The following STXBP5L variants were observed in gnomAD, a reference collection of about 807,000 sequenced individuals.
The protein encoded by STXBP5L is syntaxin-binding protein 5-like.
Under a neutral mutation model 144.5 loss-of-function variants are expected in STXBP5L, and 65 were observed. The ratio of observed to expected loss-of-function variants is 0.45; its 90% CI spans 0.37 to 0.55. The LOEUF is 0.55. Ranked by LOEUF, STXBP5L falls within the 20% of genes least tolerant of loss-of-function variation. The pLI is 0.00. For synonymous variants in STXBP5L, 505 were observed against 469.6 expected (o/e 1.08, Z -0.97); for missense variants, 1,298 against 1,405.5 (o/e 0.92, Z 1.22).
intron 9 of STXBP5L, among the ~76,000 whole-genome samples, chr3:121,179,855 G>T (rs112854203): frequency 1.3e-5 from 2 of 151,998 alleles, no homozygotes; most frequent in Non-Finnish European, 2.9e-5. Context: ...TTGAAGACAA[G>T]GCTTTCGAAT....
intron 14 of STXBP5L, among the ~76,000 whole-genome samples, chr3:121,243,705 T>C (rs1018824163): frequency 2.6e-5 from 4 of 152,174 alleles, no homozygotes; most frequent in Non-Finnish European, 5.9e-5. Flanking sequence ...ATATTGACTT[T>C]GGAAATAAAA....
intron 14 of STXBP5L, among the ~76,000 whole-genome samples, chr3:121,242,937 A>C (rs2049717013): frequency 1.3e-5 from 2 of 152,196 alleles, no homozygotes; most frequent in Non-Finnish European, 2.9e-5. Flanking sequence ...TTAGGAAGTC[A>C]CAGTACCCCA....
intron 5 of STXBP5L, among the ~76,000 whole-genome samples, chr3:121,049,887 T>C (rs567258523): frequency 6.6e-6 from 1 of 152,246 alleles, no homozygotes; most frequent in South Asian, 2.1e-4. Context: ...ACATAACTCT[T>C]TGCATGTTTG....
chr3:121,414,987 T>G (rs2047198877), intron 24 of STXBP5L, among the ~76,000 whole-genome samples: 1 of 152,164 alleles, frequency 6.6e-6, no homozygotes, highest in Non-Finnish European at 1.5e-5. Flanking sequence ...GTTTCTGGCT[T>G]GGGGAACCAA....
intron 3 of STXBP5L, among the ~76,000 whole-genome samples, chr3:120,979,879 A>T (rs1457728875): frequency 6.6e-6 from 1 of 152,146 alleles, no homozygotes; most frequent in Non-Finnish European, 1.5e-5. Context: ...CTTCCCTCTT[A>T]GCATTTCTTT....
intron 5 of STXBP5L, among the ~76,000 whole-genome samples, chr3:121,101,184 T>A (rs1445924857): frequency 6.6e-6 from 1 of 152,038 alleles, no homozygotes; most frequent in Non-Finnish European, 1.5e-5. Flanking sequence ...CTGGTTCCAG[T>A]TCTTCTGATA....
At chr3:121,304,880 AC>A (rs1242258899) in intron 19 of STXBP5L, among the ~76,000 whole-genome samples, 1 of 151,988 alleles carries the variant, frequency 6.6e-6, no homozygotes, top group Non-Finnish European at 1.5e-5. Context: ...TAGAGGTCAA[AC>A]CAGAGTAGAT....
chr3:120,996,882 G>T (rs1943391904), intron 3 of STXBP5L, among the ~76,000 whole-genome samples: 1 of 152,060 alleles, frequency 6.6e-6, no homozygotes, highest in East Asian at 1.9e-4. Flanking sequence ...TGGGGATTTG[G>T]TCTACAGATT....
rs1280661772 is a variant in STXBP5L at position 121,128,153 on chromosome 3, C to T, written c.669+6449C>T. Among the ~76,000 whole-genome samples, 4 of 152,172 alleles carry T rather than the reference C, an allele frequency of 2.6e-5. No individual in the cohort carries two copies. In the South Asian group the frequency reaches 8.3e-4, roughly 32 times the overall value. ...TTAGAGTGGTTTTTAAGGACTTGAACTTGGGGGCTGCCTAGAGGAGGGTTT... is the reference window on the plus strand; with the variant it reads ...TTAGAGTGGTTTTTAAGGACTTGAATTTGGGGGCTGCCTAGAGGAGGGTTT... On this transcript the variant is annotated intron_variant, in intron 7 of 26. Coordinates refer to ENST00000471454, the MANE Select transcript of STXBP5L (RefSeq NM_001308330.2).
chr3:121,158,053 C>A (rs1055434722), intron 9 of STXBP5L: 3 of 153,516 alleles, frequency 2.0e-5, no homozygotes, highest in African/African-American at 7.2e-5. Flanking sequence ...CCATTTCTGC[C>A]ATTTGATTCC....
chr3:120,970,371 A>G (rs1940106302), intron 3 of STXBP5L, among the ~76,000 whole-genome samples: 1 of 152,120 alleles, frequency 6.6e-6, no homozygotes, highest in South Asian at 2.1e-4. Context: ...AAGACAGGTC[A>G]CATTTTGATG....
intron 3 of STXBP5L, among the ~76,000 whole-genome samples, chr3:120,999,596 A>T (rs538849726): frequency 4.3e-4 from 65 of 152,138 alleles, no homozygotes; most frequent in African/African-American, 1.1e-3. Context: ...GACATGTGCC[A>T]ATTTGATCCT....
intron 3 of STXBP5L, among the ~76,000 whole-genome samples, chr3:120,987,897 G>C (rs918073687): frequency 6.6e-6 from 1 of 151,714 alleles, no homozygotes; most frequent in East Asian, 1.9e-4. Context: ...TTAAATGTTT[G>C]GTAGAATTCT....
At chr3:120,950,427 T>A (rs1711137888) in intron 2 of STXBP5L, among the ~76,000 whole-genome samples, 1 of 152,110 alleles carries the variant, frequency 6.6e-6, no homozygotes, top group African/African-American at 2.4e-5. Context: ...TTTAGGTTTG[T>A]ATAAGTTTTG....
chr3:121,027,796 A>G (rs1194104423), intron 3 of STXBP5L, among the ~76,000 whole-genome samples: 1 of 152,054 alleles, frequency 6.6e-6, no homozygotes, highest in Admixed American at 6.6e-5. Flanking sequence ...AACATATTCA[A>G]AGGTTTCAGG....
intron 9 of STXBP5L, among the ~76,000 whole-genome samples, chr3:121,179,184 C>T (rs922170752): frequency 1.3e-4 from 19 of 151,724 alleles, no homozygotes; most frequent in East Asian, 3.9e-4. Context: ...CATGAGAGAA[C>T]GAGATAAGCT....
intron 3 of STXBP5L, among the ~76,000 whole-genome samples, chr3:120,960,172 T>C (rs937084289): frequency 3.0e-4 from 46 of 152,202 alleles, no homozygotes; most frequent in Non-Finnish European, 6.0e-4. Flanking sequence ...TCATCATCAC[T>C]GGGCAACAGA....
intron 20 of STXBP5L, among the ~76,000 whole-genome samples, chr3:121,333,867 T>C (rs2044411567): frequency 1.3e-5 from 2 of 152,014 alleles, no homozygotes; most frequent in African/African-American, 2.4e-5. Flanking sequence ...AGCTCCAAAA[T>C]TGAGTTTGTT....
intron 5 of STXBP5L, among the ~76,000 whole-genome samples, chr3:121,053,626 A>T (rs938858257): frequency 6.6e-6 from 1 of 152,248 alleles, no homozygotes; most frequent in Non-Finnish European, 1.5e-5. Context: ...ACCTAAAACC[A>T]TAAAAACCCT....
Sources: allele counts gnomAD v4.1 joint callset (sites outside exome capture counted in the v4.1 genomes callset), GRCh38; gene constraint gnomAD v4.1.1; transcripts MANE v1.5; gene names NCBI Gene and HGNC (gene_info 2026-07-23, HGNC 2026-07-21).